DOCK8: variants seen among roughly 807,000 people sequenced by gnomAD.
The protein encoded by DOCK8 is dedicator of cytokinesis 8.
A neutral mutation model predicts 245.6 loss-of-function variants in DOCK8; 141 were observed. The ratio of observed to expected loss-of-function variants is 0.57; its 90% confidence interval spans 0.50 to 0.66. The LOEUF is 0.66. Among genes scored for constraint, DOCK8 ranks in the 30% least tolerant of loss-of-function variants. The pLI is 0.00. For missense variants in DOCK8, 2,965 were observed against 2,603.4 expected, an observed-to-expected ratio of 1.14 and a Z score of -3.02; for synonymous variants, 1,168 against 970.2, an observed-to-expected ratio of 1.20 and a Z score of -3.79.
intron 1 of DOCK8, among the ~76,000 whole-genome samples, chr9:242,665 C>A (rs2047402464): frequency 6.6e-6 from 1 of 152,178 alleles, no homozygotes; most frequent in Non-Finnish European, 1.5e-5. Context: ...AATGCTGCCA[C>A]AGAAACTCAA....
rs1214894547 is a variant in DOCK8, at chr9:334,325, C to T, written c.1226C>T (p.Ser409Leu). 1.2e-6 allele frequency: 2 copies of T among 1,614,182 alleles called. No homozygotes were observed. Among genetic ancestry groups the T allele is most frequent in the South Asian group, 2.2e-5 (2 of 91,078 alleles). ...MPFAWAPISL[S>L]SFFNVSTLER... ...TTTGCCTGGGCACCCATAAGCTTAT[C>T]AAGCTTCTTCAATGTCTCCACCCTT... Residue 409 changes from serine to leucine, a missense_variant, in exon 11 of 48, where the codon TCA becomes TTA. Ser to Leu is a moderately radical substitution (Grantham distance 145). Coordinates refer to ENST00000432829, the MANE Select transcript of DOCK8 (RefSeq NM_203447.4).
chr9:215,269 A>C lies in DOCK8; in HGVS notation c.53+240A>C, dbSNP rs636922. On this transcript the variant is annotated intron_variant, in intron 1 of 47. Coordinates refer to ENST00000432829, the MANE Select transcript of DOCK8 (RefSeq NM_203447.4). ...AATCTCGGTGCTCCTGGATGTCCTC[A>C]GCCGCCGGGGATCCCTTCCCCGAAC... The C allele has an allele frequency of 0.25, 408,000 of 1,603,846 alleles. 54,708 individuals carry two copies. The highest frequency in any genetic ancestry group is 0.32 in the East Asian group (14,295 of 44,016).
intron 1 of DOCK8, chr9:215,401 G>A (rs985389122): frequency 6.5e-7 from 1 of 1,547,218 alleles, no homozygotes; most frequent in Admixed American, 2.1e-5. Flanking sequence ...TCTCATAAAC[G>A]GCTCCTTCCT....
intron 14 of DOCK8, among the ~76,000 whole-genome samples, chr9:343,704 G>A (rs2051723267): frequency 1.3e-5 from 2 of 152,150 alleles, no homozygotes; most frequent in African/African-American, 4.8e-5. Context: ...TTCTCAGGAT[G>A]CAGTAGTTTC....
chr9:436,622 A>G (rs780310935), intron 39 of DOCK8, among the ~76,000 whole-genome samples: 1 of 152,172 alleles, frequency 6.6e-6, no homozygotes. Flanking sequence ...TTCTAATTTT[A>G]CCTAGAATTC....
intron 15 of DOCK8, 25 bp from the exon 16 acceptor site, chr9:370,205 T>C (rs2053221386): frequency 6.3e-7 from 1 of 1,599,556 alleles, no homozygotes; most frequent in Non-Finnish European, 8.6e-7. Context: ...ACTGATAATT[T>C]GATCCTTTCT....
At position 400,151 on chromosome 9, in the gene DOCK8, TCACCAC is replaced by T. The variant is rs1181384218; in HGVS notation, c.3234+903_3234+908del. ...TTCACCATCACCACCACCTCCACCA[TCACCAC>T]CACCACCACCTCCACCATCACCACC... On this transcript the variant is annotated intron_variant, in intron 26 of 47. Transcript: ENST00000432829. Among the ~76,000 whole-genome samples the T allele has an allele frequency of 9.7e-3, 115 of 11,906 alleles. 10 individuals are homozygous for T. The highest frequency in any genetic ancestry group is 0.021 in the African/African-American group (53 of 2,532). 7.8% of individuals were successfully genotyped at this position (11,906 alleles called of 152,430 possible).
chr9:413,448 C>T lies in DOCK8; in HGVS notation c.3531-1334C>T, dbSNP rs192687513. ...TAAAACTTTTGTGATTTATAGGACA[C>T]CATCAAAAAAATGAAAAGGCAACAC... On this transcript the variant is annotated intron_variant, in intron 28 of 47. Transcript: ENST00000432829. Among the ~76,000 whole-genome samples the T allele has an allele frequency of 2.6e-3, 393 of 151,976 alleles. 5 individuals are homozygous for T. The highest frequency in any genetic ancestry group is 8.9e-3 in the African/African-American group (370 of 41,462).
chr9:437,631 C>T (rs2131778868), intron 39 of DOCK8, among the ~76,000 whole-genome samples: 1 of 152,276 alleles, frequency 6.6e-6, no homozygotes, highest in Non-Finnish European at 1.5e-5. Flanking sequence ...TGCAAATGCT[C>T]TGTGCTTTAA....
intron 2 of DOCK8, chr9:281,012 G>A (rs1246688735): frequency 6.6e-6 from 1 of 152,280 alleles, no homozygotes; most frequent in African/African-American, 2.4e-5. Context: ...CCAATACTTT[G>A]GGAGGCCGAG....
At chr9:367,364 C>T (rs760331587) in intron 14 of DOCK8, among the ~76,000 whole-genome samples, 1 of 152,192 alleles carries the variant, frequency 6.6e-6, no homozygotes, top group Non-Finnish European at 1.5e-5. Context: ...AATCCCTGTC[C>T]TTGTGGAACT....
At chr9:302,021 C>G (rs1019672335) in intron 4 of DOCK8, among the ~76,000 whole-genome samples, 2 of 151,754 alleles carry the variant, frequency 1.3e-5, no homozygotes, top group Non-Finnish European at 2.9e-5. Context: ...TCATGTGGAA[C>G]CAAAAAACCT....
At chr9:233,733 T>A (rs1205439602) in intron 1 of DOCK8, among the ~76,000 whole-genome samples, 1 of 152,136 alleles carries the variant, frequency 6.6e-6, no homozygotes, top group African/African-American at 2.4e-5. Flanking sequence ...TGCCTTTTTT[T>A]GTTTTCCATT....
intron 2 of DOCK8, among the ~76,000 whole-genome samples, chr9:280,295 A>C (rs543327645): frequency 6.6e-6 from 1 of 152,344 alleles, no homozygotes; most frequent in Admixed American, 6.5e-5. Flanking sequence ...AGAAGTATTG[A>C]AAATTGCTTG....
In DOCK8 at chr9:383,856, A is replaced by G. The variant is rs186086866; in HGVS notation, c.2778+1171A>G. The stretch of plus-strand genomic sequence containing the variant: ...TTCATGGTAAAGCTTTACTTTCAGA[A>G]CAGTTTTAGAGTTACGGAATTATAT... On this transcript the variant is annotated intron_variant, in intron 22 of 47. Coordinates refer to ENST00000432829, the MANE Select transcript of DOCK8 (RefSeq NM_203447.4). Among the ~76,000 whole-genome samples the G allele has an allele frequency of 2.1e-3, 321 of 152,270 alleles. 2 individuals carry two copies. The highest frequency in any genetic ancestry group is 7.2e-3 in the South Asian group (35 of 4,828).
intron 1 of DOCK8, among the ~76,000 whole-genome samples, chr9:260,214 C>T (rs116281193): frequency 0.01 from 1,547 of 152,290 alleles, 26 homozygotes; most frequent in African/African-American, 0.034. Flanking sequence ...TCATGAGAAC[C>T]TCAAACTTAG....
At chr9:403,919 T>TAC (rs2055257202) in intron 26 of DOCK8, among the ~76,000 whole-genome samples, 3 of 75,236 alleles carry the variant, frequency 4.0e-5, no homozygotes, top group South Asian at 8.1e-4. Context: ...TATATATACA[T>TAC]ATATATATAT....
At chr9:297,515 T>A (rs966647665) in intron 4 of DOCK8, among the ~76,000 whole-genome samples, 1 of 152,222 alleles carries the variant, frequency 6.6e-6, no homozygotes, top group Non-Finnish European at 1.5e-5. Flanking sequence ...GCCATTGGCC[T>A]ACTTCCCCAT....
intron 1 of DOCK8, among the ~76,000 whole-genome samples, chr9:265,486 C>A (rs553672963): frequency 1.3e-5 from 2 of 152,160 alleles, no homozygotes; most frequent in African/African-American, 4.8e-5. Context: ...GTTTTACAGT[C>A]GTTCGTTACC....
Sources: gnomAD v4.1 joint callset for allele counts (sites outside exome capture counted in the v4.1 genomes callset) on GRCh38, gnomAD v4.1.1 for gene constraint, MANE v1.5 for transcripts, NCBI Gene and HGNC (gene_info 2026-07-23, HGNC 2026-07-21) for gene names.